The following OTUD4 variants were observed in gnomAD, a reference collection of about 807,000 sequenced individuals.
The protein encoded by OTUD4 is OTU deubiquitinase 4.
A neutral mutation model predicts 130.4 loss-of-function variants in OTUD4; 24 were observed. The ratio of observed to expected loss-of-function variants is 0.18; its 90% CI spans 0.13 to 0.26. The LOEUF (loss-of-function observed/expected upper bound fraction) is 0.26, where lower values mean the gene tolerates loss of function less well. Ranked by LOEUF, OTUD4 falls within the 10% of genes least tolerant of loss-of-function variation. The probability of loss-of-function intolerance (pLI) is 1.00; values close to 1 mark genes in which losing one functional copy is unlikely to be tolerated. For synonymous variants in OTUD4, 420 were observed against 472.5 expected (o/e 0.89, Z 1.44); for missense variants, 1,031 against 1,329.4 (o/e 0.78, Z 3.49).
At position 145,155,948 on chromosome 4, in the gene OTUD4, C is replaced by T. The variant is rs757088148; in HGVS notation, c.678G>A (p.Leu226=). The T allele has an allele frequency of 1.2e-5, 19 of 1,609,382 alleles. No individual in the cohort carries two copies. The Admixed American group carries it at 3.2e-4, about 27-fold the overall frequency. Reference sequence around the variant, plus strand: ...TTAAAAAAAATACCTCATTGCCTGACAAAGGTTTAAATCCATTCACATCAG... The same window carrying T: ...TTAAAAAAAATACCTCATTGCCTGATAAAGGTTTAAATCCATTCACATCAG... ...AAADVNGFKP[L]SGNEQLKNNG... is the part of the protein sequence containing the mutation. Residue 226 remains leucine, a synonymous_variant, in exon 8 of 21, where the codon TTG becomes TTA. Coordinates refer to ENST00000447906, the MANE Select transcript of OTUD4 (RefSeq NM_001366057.1).
chr4:145,167,514 C>T (rs1373520868), intron 3 of OTUD4, among the ~76,000 whole-genome samples: 1 of 152,186 alleles, frequency 6.6e-6, no homozygotes, highest in African/African-American at 2.4e-5. Flanking sequence ...ATCAAACACA[C>T]GAGCTACATT....
At chr4:145,168,882 G>C (rs1028379402) in intron 3 of OTUD4, among the ~76,000 whole-genome samples, 2 of 152,158 alleles carry the variant, frequency 1.3e-5, no homozygotes, top group African/African-American at 4.8e-5. Context: ...TAACAACCCA[G>C]AACTGTAAAG....
At chr4:145,175,398 T>G (rs1752369604) in intron 1 of OTUD4, among the ~76,000 whole-genome samples, 1 of 152,214 alleles carries the variant, frequency 6.6e-6, no homozygotes, top group South Asian at 2.1e-4. Flanking sequence ...TGCCCTAAAT[T>G]GTAAAGTACC....
At chr4:145,167,168 C>T (rs1308773256) in intron 3 of OTUD4, among the ~76,000 whole-genome samples, 1 of 152,068 alleles carries the variant, frequency 6.6e-6, no homozygotes, top group Non-Finnish European at 1.5e-5. Context: ...TCCTATAGTA[C>T]TGTGAAGTCG....
chr4:145,137,240 A>G lies in OTUD4; in HGVS notation c.*190T>C. On this transcript the variant is annotated 3_prime_UTR_variant, in exon 21 of 21. Coordinates refer to ENST00000447906, the MANE Select transcript of OTUD4 (RefSeq NM_001366057.1). ...CAGATTCTGAATGAAGAAAACTGGCAATGCCAGGAATTAACCTGCCCCCTT... is the reference window on the plus strand; with the variant it reads ...CAGATTCTGAATGAAGAAAACTGGCGATGCCAGGAATTAACCTGCCCCCTT... 1 of 468,270 alleles carries G rather than the reference A, an allele frequency of 2.1e-6. No individual in the cohort carries two copies. Among genetic ancestry groups the G allele is most frequent in the Non-Finnish European group, 3.7e-6 (1 of 266,820 alleles). The allele number at this position is 468,270 out of a possible 1,614,324, so 29.0% of individuals were successfully genotyped here.
chr4:145,149,657 C>T (rs1750977713), intron 13 of OTUD4: 1 of 152,324 alleles, frequency 6.6e-6, no homozygotes, highest in Admixed American at 6.5e-5. Context: ...GCCTATACAT[C>T]TTCAGTGACA....
intron 17 of OTUD4, among the ~76,000 whole-genome samples, chr4:145,143,152 ATGG>A (rs970514682): frequency 6.6e-6 from 1 of 152,220 alleles, no homozygotes; most frequent in Admixed American, 6.5e-5. Context: ...TCACCAGAAA[ATGG>A]TGGTTATTTC....
chr4:145,149,877 T>TA (rs1750988110), intron 13 of OTUD4, among the ~76,000 whole-genome samples: 1 of 152,170 alleles, frequency 6.6e-6, no homozygotes, highest in South Asian at 2.1e-4. Context: ...AGTTTCAACA[T>TA]AAGACACAGC....
intron 3 of OTUD4, among the ~76,000 whole-genome samples, chr4:145,166,796 G>A (rs1423686686): frequency 2.6e-5 from 4 of 152,074 alleles, no homozygotes; most frequent in Admixed American, 6.5e-5. Context: ...CCGAGATCGC[G>A]CTGCTGCACT....
chr4:145,179,750 C>T, intron 1 of OTUD4, 65 bp downstream of exon 1: 1 of 1,462,644 alleles, frequency 6.8e-7, no homozygotes, highest in South Asian at 1.3e-5. Context: ...CAGCTGCCTC[C>T]CCACCCAGAC....
Position 145,180,023 on chromosome 4 carries a change from G to A in OTUD4, c.-50C>T. 13 of 1,320,734 alleles carry A rather than the reference G, an allele frequency of 9.8e-6. No individual in the cohort carries two copies. The highest frequency in any genetic ancestry group is 1.2e-5 in the Non-Finnish European group (12 of 1,042,304). The allele number at this position is 1,320,734 out of a possible 1,614,324, so 81.8% of individuals were successfully genotyped here. A position where few individuals can be genotyped will look rare whatever the true frequency, so the allele number is the denominator to read the frequency against. ...GCGCGGCGAGGGCTAGCCCCACATG[G>A]CCAGGCCGCCGGCTGCTCGACGCCC... On this transcript the variant is annotated 5_prime_UTR_variant, in exon 1 of 21. Transcript: ENST00000447906.
chr4:145,136,366 CT>C lies in OTUD4; in HGVS notation c.*1063del, dbSNP rs36227324. 8,832 of 147,468 alleles carry C rather than the reference CT, an allele frequency of 0.06. 333 individuals carry two copies. The highest frequency in any genetic ancestry group is 0.11 in the African/African-American group (4,325 of 39,954). The allele number at this position is 147,468 out of a possible 1,614,324, so 9.1% of individuals were successfully genotyped here. A position where few individuals can be genotyped will look rare whatever the true frequency, so the allele number is the denominator to read the frequency against. On this transcript the variant is annotated 3_prime_UTR_variant, in exon 21 of 21. Coordinates refer to ENST00000447906, the MANE Select transcript of OTUD4 (RefSeq NM_001366057.1). ...TCTAGCAGCATCCTCTAGAAAAGAA[CT>C]AGAAGTCACAATCATATTATCTTCT...
rs1328016384 is a variant in OTUD4 at position 145,137,770 on chromosome 4, G to C, written c.3005C>G (p.Ala1002Gly). ...TEKVKDPKTA[A>G]DVVSPGANSV... is the part of the protein sequence containing the mutation. ...GTTGGCCCCAGGGCTGACCACATCA[G>C]CAGCAGTCTTAGGATCTTTTACTTT... Residue 1002 changes from alanine to glycine, a missense_variant, in exon 21 of 21, where the codon GCT (alanine) becomes GGT (glycine). Physicochemically the swap from Ala to Gly is moderately conservative, Grantham distance 60 (BLOSUM62 0). Transcript: ENST00000447906. 1 of 1,614,048 alleles carries C rather than the reference G, an allele frequency of 6.2e-7. No homozygotes were observed. The highest frequency in any genetic ancestry group is 1.7e-5 in the Admixed American group (1 of 60,012).
At chr4:145,166,363 T>C (rs1751874421) in intron 3 of OTUD4, among the ~76,000 whole-genome samples, 1 of 152,144 alleles carries the variant, frequency 6.6e-6, no homozygotes, top group Non-Finnish European at 1.5e-5. Context: ...ATGGCCAGTA[T>C]GTTTCAAAAT....
chr4:145,139,415 A>C (rs1750450468), intron 20 of OTUD4, among the ~76,000 whole-genome samples: 1 of 152,226 alleles, frequency 6.6e-6, no homozygotes, highest in Non-Finnish European at 1.5e-5. Flanking sequence ...TCTCCAACCT[A>C]AGAAAAGCTA....
Position 145,135,637 on chromosome 4 carries a change from CCT to C in OTUD4, c.*1791_*1792del, listed in dbSNP as rs1750204512. The C allele has an allele frequency of 6.6e-6, 1 of 152,626 alleles. No homozygotes were observed. Among genetic ancestry groups the C allele is most frequent in the African/African-American group, 2.4e-5 (1 of 41,462 alleles). The allele number at this position is 152,626 out of a possible 1,614,324, so 9.5% of individuals were successfully genotyped here. A position where few individuals can be genotyped will look rare whatever the true frequency, so the allele number is the denominator to read the frequency against. On this transcript the variant is annotated 3_prime_UTR_variant, in exon 21 of 21. Transcript: ENST00000447906. ...CTAGTTAAGAAGGTGACAACAAATT[CCT>C]TTCAATAGGTTCTCTCAAGAAAAGT...
intron 3 of OTUD4, among the ~76,000 whole-genome samples, chr4:145,167,355 GCT>G (rs1424667094): frequency 1.3e-5 from 2 of 152,130 alleles, no homozygotes; most frequent in African/African-American, 4.8e-5. Context: ...TTAAAAGTTA[GCT>G]CTGATTTTCA....
At position 145,165,087 on chromosome 4, in the gene OTUD4, A is replaced by C. The variant is rs866072303; in HGVS notation, c.341+64T>G. 10 of 875,762 alleles carry C rather than the reference A, an allele frequency of 1.1e-5. No homozygotes were observed. The South Asian group carries it at 1.9e-4, about 17-fold the overall frequency. The allele number at this position is 875,762 out of a possible 1,614,324, so 54.2% of individuals were successfully genotyped here. On this transcript the variant is annotated intron_variant, in intron 4 of 20. Coordinates refer to ENST00000447906, the MANE Select transcript of OTUD4 (RefSeq NM_001366057.1). The stretch of plus-strand genomic sequence containing the variant: ...GAGCTTTGCTATTTTAACATTTTTA[A>C]TATAATGGAATATAATTTCCCACTG...
Position 145,159,604 on chromosome 4 carries a change from T to G in OTUD4, c.528A>C (p.Val176=). ...CAATTTTACTAACATCAGTTTTAAA[T>G]ACCTTCTCATACAGCAATTCATAAA... is the stretch of plus-strand genomic sequence containing the variant. ...SLLYELLYEK[V]FKTDVSKIVM... is the part of the protein sequence containing the mutation. The change falls in exon 7 of 21, where the codon GTA becomes GTC. Residue 176 remains valine (V), a synonymous_variant. Transcript: ENST00000447906. The G allele has an allele frequency of 6.2e-7, 1 of 1,613,370 alleles. No individual in the cohort carries two copies. Among genetic ancestry groups the G allele is most frequent in the Non-Finnish European group, 8.5e-7 (1 of 1,179,544 alleles).
Sources: allele counts gnomAD v4.1 joint callset (sites outside exome capture counted in the v4.1 genomes callset), GRCh38; gene constraint gnomAD v4.1.1; transcripts MANE v1.5; gene names NCBI Gene and HGNC (gene_info 2026-07-23, HGNC 2026-07-21).